The following SLC14A2 variants were observed in gnomAD, a reference collection of about 807,000 sequenced individuals.
SLC14A2 encodes the protein solute carrier family 14 member 2, also known as urea transporter 2.
A neutral mutation model predicts 104.6 loss-of-function variants in SLC14A2; 91 were observed. The ratio of observed to expected loss-of-function variants is 0.87; its 90% CI spans 0.73 to 1.04. The LOEUF is 1.04. Ranked by LOEUF, SLC14A2 falls within the 50% of genes least tolerant of loss-of-function variation. The pLI is 0.00. For missense variants in SLC14A2, 1,189 were observed against 1,156.0 expected, an observed-to-expected ratio of 1.03 and a Z score of -0.41; for synonymous variants, 476 against 466.4, an observed-to-expected ratio of 1.02 and a Z score of -0.27.
At chr18:45,511,208 G>T (rs186461585) in intron 2 of SLC14A2, among the ~76,000 whole-genome samples, 1 of 151,854 alleles carries the variant, frequency 6.6e-6, no homozygotes, top group Non-Finnish European at 1.5e-5. Flanking sequence ...ACTTTATTAT[G>T]TATAGCCTTA....
intron 2 of SLC14A2, among the ~76,000 whole-genome samples, chr18:45,610,217 T>TG (rs57149171): frequency 0.22 from 32,760 of 151,958 alleles, 3,626 homozygotes; most frequent in African/African-American, 0.24. Context: ...GATTCTGTTA[T>TG]GGGGGTGGGG....
Position 45,678,964 on chromosome 18 carries a change from T to G in SLC14A2, c.2513-11T>G. On this transcript the variant is annotated splice_polypyrimidine_tract_variant and intron_variant, in intron 18 of 19. Transcript: ENST00000255226. ...CTGGTCTATTTCTTTCTTTTTTTTT[T>G]TTTTTTCTAGCACTGTTTGCTGCCT... 6.3e-7 allele frequency: 1 copy of G among 1,591,382 alleles called. No homozygotes were observed. The highest frequency in any genetic ancestry group is 8.5e-7 in the Non-Finnish European group (1 of 1,175,296).
At chr18:45,653,040 G>A (rs2045767678) in intron 10 of SLC14A2, among the ~76,000 whole-genome samples, 1 of 151,930 alleles carries the variant, frequency 6.6e-6, no homozygotes, top group Admixed American at 6.6e-5. Flanking sequence ...AGAAGTTCAG[G>A]AGCCCTTGGG....
the SLC14A2 span, among the ~76,000 whole-genome samples, chr18:45,199,402 T>C: frequency 5.3e-5 from 8 of 152,290 alleles, no homozygotes; most frequent in Middle Eastern, 6.8e-3. Context: ...AGTCTGTTAA[T>C]TTCTCTGTCA....
intron 1 of SLC14A2, among the ~76,000 whole-genome samples, chr18:45,426,698 T>TACACACACACACACACAC (rs34456057): frequency 7.1e-6 from 1 of 140,960 alleles, no homozygotes; most frequent in Non-Finnish European, 1.5e-5. Context: ...TATACATACA[T>TACACACACACACACACAC]ACACACACAC....
At chr18:45,355,605 GA>G (rs2085545994) in intron 1 of SLC14A2, among the ~76,000 whole-genome samples, 1 of 129,478 alleles carries the variant, frequency 7.7e-6, no homozygotes, top group Non-Finnish European at 1.6e-5. Flanking sequence ...AAAAAACCCT[GA>G]TTTTTTTTAG....
At chr18:45,539,457 C>T (rs1026080374) in intron 2 of SLC14A2, among the ~76,000 whole-genome samples, 1 of 152,182 alleles carries the variant, frequency 6.6e-6, no homozygotes, top group African/African-American at 2.4e-5. Flanking sequence ...AGGTCACTGC[C>T]CCTCCATGGA....
intron 1 of SLC14A2, chr18:45,447,283 A>T (rs2144600257): frequency 6.6e-6 from 1 of 152,302 alleles, no homozygotes; most frequent in East Asian, 1.9e-4. Flanking sequence ...AGCTAGCATC[A>T]AGGACACCAC....
chr18:45,456,675 G>A (rs536699833), intron 1 of SLC14A2, among the ~76,000 whole-genome samples: 1 of 152,202 alleles, frequency 6.6e-6, no homozygotes, highest in East Asian at 1.9e-4. Context: ...CAAAGGGATG[G>A]CTTGTGATGA....
intron 1 of SLC14A2, among the ~76,000 whole-genome samples, chr18:45,259,696 T>C (rs2084516093): frequency 6.6e-6 from 1 of 152,132 alleles, no homozygotes; most frequent in Admixed American, 6.5e-5. Flanking sequence ...CTTTAGATAT[T>C]GAAAATGGAA....
At chr18:45,556,633 C>T (rs142048657) in intron 2 of SLC14A2, among the ~76,000 whole-genome samples, 4 of 152,242 alleles carry the variant, frequency 2.6e-5, no homozygotes, top group African/African-American at 4.8e-5. Flanking sequence ...TCATGGGATT[C>T]GTGTGAAGAT....
intron 1 of SLC14A2, among the ~76,000 whole-genome samples, chr18:45,422,806 TCTC>T (rs2144523580): frequency 6.6e-6 from 1 of 152,246 alleles, no homozygotes; most frequent in East Asian, 1.9e-4. Flanking sequence ...CATTTCCTCA[TCTC>T]CTTCTTGTCC....
Position 45,250,755 on chromosome 18 carries a change from C to CTTTTTTTTT in SLC14A2, c.-125+37577_-125+37585dup, listed in dbSNP as rs67864793. 5.9e-4 allele frequency among the ~76,000 whole-genome samples: 55 copies of CTTTTTTTTT among 93,882 alleles called. 1 individual carries two copies. Among genetic ancestry groups the CTTTTTTTTT allele is most frequent in the African/African-American group, 1.8e-3 (41 of 22,934 alleles). 61.6% of individuals were successfully genotyped at this position (93,882 alleles called of 152,430 possible). A position where few individuals can be genotyped will look rare whatever the true frequency, so the allele number is the denominator to read the frequency against. On this transcript the variant is annotated intron_variant, in intron 1 of 20. Coordinates refer to the SLC14A2 transcript ENST00000586448. ...GAATCCTCTGGCTAGTGGCTTCTTC[C>CTTTTTTTTT]TTTTTTTTTTTTTTTTTTTTTGGCT...
At chr18:45,353,235 G>C (rs1158493112) in intron 1 of SLC14A2, among the ~76,000 whole-genome samples, 1 of 152,212 alleles carries the variant, frequency 6.6e-6, no homozygotes, top group African/African-American at 2.4e-5. Flanking sequence ...CTTTAACAGA[G>C]GGCGGACTAC....
At chr18:45,385,146 C>T (rs1170551508) in intron 1 of SLC14A2, among the ~76,000 whole-genome samples, 6 of 152,216 alleles carry the variant, frequency 3.9e-5, no homozygotes, top group Admixed American at 6.5e-5. Flanking sequence ...AACCTGCAAC[C>T]GCGAAGTGGG....
At chr18:45,353,183 C>T (rs1323556871) in intron 1 of SLC14A2, among the ~76,000 whole-genome samples, 2 of 152,192 alleles carry the variant, frequency 1.3e-5, no homozygotes, top group Non-Finnish European at 2.9e-5. Context: ...TCCACAAGGA[C>T]TCAAATATAG....
At chr18:45,465,695 G>A (rs775516419) in intron 1 of SLC14A2, among the ~76,000 whole-genome samples, 2 of 152,098 alleles carry the variant, frequency 1.3e-5, no homozygotes, top group African/African-American at 2.4e-5. Context: ...TCAGCTAGGA[G>A]CCCACCTGAC....
intron 2 of SLC14A2, among the ~76,000 whole-genome samples, chr18:45,487,521 G>A (rs1296775813): frequency 6.6e-6 from 1 of 152,216 alleles, no homozygotes; most frequent in Non-Finnish European, 1.5e-5. Context: ...AGGAAAGATG[G>A]TGAGTCAGTA....
chr18:45,642,269 T>C (rs1302773340), intron 8 of SLC14A2, among the ~76,000 whole-genome samples: 1 of 152,206 alleles, frequency 6.6e-6, no homozygotes, highest in Non-Finnish European at 1.5e-5. Context: ...CCATATCCCT[T>C]GTATCCCCTC....
Sources: allele counts gnomAD v4.1 joint callset (sites outside exome capture counted in the v4.1 genomes callset), GRCh38; gene constraint gnomAD v4.1.1; transcripts MANE v1.5; gene names NCBI Gene and HGNC (gene_info 2026-07-23, HGNC 2026-07-21).